Variants in USP6NL observed in about 807,000 individuals in gnomAD.
The protein encoded by USP6NL is USP6 N-terminal-like protein.
In USP6NL, 26 loss-of-function variants were observed where a neutral mutation model predicts 61.9. The observed-to-expected ratio is 0.42, with a 90% CI of 0.31 to 0.58. USP6NL has a LOEUF of 0.58. Ranked by LOEUF, USP6NL falls within the 20% of genes least tolerant of loss-of-function variation. The probability of loss-of-function intolerance (pLI) is 0.16; values close to 1 mark genes in which losing one functional copy is unlikely to be tolerated. For missense variants in USP6NL, 1,114 were observed against 1,034.3 expected (o/e 1.08, Z -1.06); for synonymous variants, 432 against 390.1 (o/e 1.11, Z -1.27).
At chr10:11,551,355 T>C (rs1836482237) in intron 2 of USP6NL, among the ~76,000 whole-genome samples, 1 of 152,222 alleles carries the variant, frequency 6.6e-6, no homozygotes, top group African/African-American at 2.4e-5. Flanking sequence ...CCTCATACTG[T>C]AGAACTTCAT....
At position 11,548,391 on chromosome 10, in the gene USP6NL, T is replaced by A. The variant is rs539658965; in HGVS notation, c.5-20824A>T. Reference sequence around the variant, plus strand: ...AATTTAATGGGTTCTTATTAGCACATACTTAATTAAAATATCTCAGACCTC... The same window carrying A: ...AATTTAATGGGTTCTTATTAGCACAAACTTAATTAAAATATCTCAGACCTC... On this transcript the variant is annotated intron_variant, in intron 2 of 14. Coordinates refer to ENST00000609104, the MANE Select transcript of USP6NL (RefSeq NM_014688.5). This position sits in a 1 kb window ranked among gnomAD's most constrained non-coding sequence, Gnocchi z 4.3. Among the ~76,000 whole-genome samples the A allele has an allele frequency of 1.3e-5, 2 of 152,336 alleles. No homozygotes were observed. Among genetic ancestry groups the A allele is most frequent in the South Asian group, 4.1e-4 (2 of 4,830 alleles).
At position 11,487,848 on chromosome 10, in the gene USP6NL, G is replaced by C. The variant is rs1311141127; in HGVS notation, c.664+1254C>G. ...CACACAATATCCTCACATGGTCAGA[G>C]TGTGAGACTTCACAAACAATGGGCT... On this transcript the variant is annotated intron_variant, in intron 10 of 14. Transcript: ENST00000609104. The surrounding 1 kb of genome is among the most constrained non-coding windows in gnomAD (Gnocchi z 4.2). 1.3e-5 allele frequency among the ~76,000 whole-genome samples: 2 copies of C among 152,160 alleles called. No homozygotes were observed. Among genetic ancestry groups the C allele is most frequent in the Non-Finnish European group, 2.9e-5 (2 of 68,038 alleles).
chr10:11,524,878 T>C (rs1835355233), intron 4 of USP6NL, among the ~76,000 whole-genome samples: 1 of 152,140 alleles, frequency 6.6e-6, no homozygotes, highest in African/African-American at 2.4e-5. Flanking sequence ...TTTAACTGCT[T>C]TACTTTATGT....
At chr10:11,567,020 A>C (rs1366961920) in intron 2 of USP6NL, among the ~76,000 whole-genome samples, 1 of 152,258 alleles carries the variant, frequency 6.6e-6, no homozygotes, top group Middle Eastern at 3.2e-3. Flanking sequence ...AGGCTGAGGC[A>C]GGAAAATCAC....
intron 2 of USP6NL, among the ~76,000 whole-genome samples, chr10:11,556,484 C>A (rs918515122): frequency 6.6e-6 from 1 of 151,992 alleles, no homozygotes; most frequent in African/African-American, 2.4e-5. Context: ...CAAAGGCAAT[C>A]AGATTAAATG....
In USP6NL at chr10:11,525,607, T is replaced by C. The variant is rs1591887396; in HGVS notation, c.73-139A>G. Reference sequence around the variant, plus strand: ...GCTGGAAGTGAGGCATTATGAGCCTTAACATTTTTTTTTCCCCTTTAAACC... The same window carrying C: ...GCTGGAAGTGAGGCATTATGAGCCTCAACATTTTTTTTTCCCCTTTAAACC... On this transcript the variant is annotated intron_variant, in intron 3 of 14. Transcript: ENST00000609104. The surrounding 1 kb of genome is among the most constrained non-coding windows in gnomAD (Gnocchi z 5.0). 4.1e-6 allele frequency: 3 copies of C among 732,532 alleles called. No individual in the cohort carries two copies. The highest frequency in any genetic ancestry group is 6.5e-5 in the East Asian group (2 of 30,718). The allele number at this position is 732,532 out of a possible 1,614,324, so 45.4% of individuals were successfully genotyped here.
At chr10:11,563,597 T>G (rs998752494) in intron 2 of USP6NL, 1 of 152,236 alleles carries the variant, frequency 6.6e-6, no homozygotes, top group African/African-American at 2.4e-5. Context: ...TGTTTTGCAA[T>G]TTCCTATGAA....
At position 11,476,630 on chromosome 10, in the gene USP6NL, A is replaced by G. The variant is rs1832976960; in HGVS notation, c.1078+5140T>C. 1.3e-5 allele frequency among the ~76,000 whole-genome samples: 2 copies of G among 152,192 alleles called. No individual in the cohort carries two copies. Among genetic ancestry groups the G allele is most frequent in the Non-Finnish European group, 2.9e-5 (2 of 68,038 alleles). ...CTCTGTATTTTTGATAGTTTTCATA[A>G]GTAAAATAAAAGATGCCAAACCCAC... is the stretch of plus-strand genomic sequence containing the variant. On this transcript the variant is annotated intron_variant, in intron 14 of 14. Transcript: ENST00000609104. This position sits in a 1 kb window ranked among gnomAD's most constrained non-coding sequence, Gnocchi z 4.3.
In USP6NL at chr10:11,470,780, T is replaced by C. The variant is rs551523884; in HGVS notation, c.1079-6931A>G. Among the ~76,000 whole-genome samples, 15 of 152,368 alleles carry C rather than the reference T, an allele frequency of 9.8e-5. No individual in the cohort carries two copies. Among genetic ancestry groups the C allele is most frequent in the African/African-American group, 3.6e-4 (15 of 41,588 alleles). On this transcript the variant is annotated intron_variant, in intron 14 of 14. Coordinates refer to ENST00000609104, the MANE Select transcript of USP6NL (RefSeq NM_014688.5). This position sits in a 1 kb window ranked among gnomAD's most constrained non-coding sequence, Gnocchi z 5.4. ...TATAGGCAATAAGCATTCCTATTTA[T>C]TATCCACGCTTGCATTCTGGGCTTC... is the stretch of plus-strand genomic sequence containing the variant.
rs1215562824 is a variant in USP6NL, at chr10:11,589,419, T to C, written c.4+8212A>G. On this transcript the variant is annotated intron_variant, in intron 2 of 14. Coordinates refer to ENST00000609104, the MANE Select transcript of USP6NL (RefSeq NM_014688.5). The surrounding 1 kb of genome is among the most constrained non-coding windows in gnomAD (Gnocchi z 4.7). ...CCCCTAATCCAGAACACTTCACACA[T>C]GACCTACATCTACATATCATAGAAA... Among the ~76,000 whole-genome samples, 1 of 152,198 alleles carries C rather than the reference T, an allele frequency of 6.6e-6. No individual in the cohort carries two copies. The highest frequency in any genetic ancestry group is 1.5e-5 in the Non-Finnish European group (1 of 68,030).
At chr10:11,508,248 T>C (rs1834544265) in intron 6 of USP6NL, among the ~76,000 whole-genome samples, 1 of 152,188 alleles carries the variant, frequency 6.6e-6, no homozygotes, top group South Asian at 2.1e-4. Context: ...TGAATGCTTG[T>C]TCTATGTAAG....
intron 4 of USP6NL, among the ~76,000 whole-genome samples, chr10:11,523,229 A>G (rs751106647): frequency 6.6e-6 from 1 of 152,234 alleles, no homozygotes; most frequent in Non-Finnish European, 1.5e-5. Context: ...CACTTATTTC[A>G]TGGCTGTAAT....
In USP6NL at chr10:11,548,905, GA is replaced by G. The variant is rs1836382258; in HGVS notation, c.5-21339del. 6.6e-6 allele frequency among the ~76,000 whole-genome samples: 1 copy of G among 152,036 alleles called. No homozygotes were observed. Among genetic ancestry groups the G allele is most frequent in the Non-Finnish European group, 1.5e-5 (1 of 67,976 alleles). On this transcript the variant is annotated intron_variant, in intron 2 of 14. Coordinates refer to ENST00000609104, the MANE Select transcript of USP6NL (RefSeq NM_014688.5). The surrounding 1 kb of genome is among the most constrained non-coding windows in gnomAD (Gnocchi z 4.3). ...AGTTGTATTAGTGCTATTATACCCA[GA>G]AAAGTCCCTAAAGACCATTATTTCC...
intron 1 of USP6NL, among the ~76,000 whole-genome samples, chr10:11,608,499 T>C (rs1187596705): frequency 6.6e-6 from 1 of 152,184 alleles, no homozygotes; most frequent in Non-Finnish European, 1.5e-5. Flanking sequence ...AACAAGCTCT[T>C]CTCTCACCCT....
rs1314555646 is a variant in USP6NL at position 11,598,910 on chromosome 10, T to C, written c.-83-1193A>G. Among the ~76,000 whole-genome samples the C allele has an allele frequency of 5.9e-5, 9 of 152,254 alleles. No individual in the cohort carries two copies. Among genetic ancestry groups the C allele is most frequent in the Non-Finnish European group, 1.2e-4 (8 of 68,050 alleles). On this transcript the variant is annotated intron_variant, in intron 1 of 14. Coordinates refer to ENST00000609104, the MANE Select transcript of USP6NL (RefSeq NM_014688.5). The surrounding 1 kb of genome is among the most constrained non-coding windows in gnomAD (Gnocchi z 4.7). ...CCCGCACACTGTAATTAGCATGGCA[T>C]AGAATCACAGTGCTGCCACGTAATA... is the stretch of plus-strand genomic sequence containing the variant.
intron 2 of USP6NL, among the ~76,000 whole-genome samples, chr10:11,581,223 A>G (rs1837758670): frequency 6.6e-6 from 1 of 152,258 alleles, no homozygotes; most frequent in African/African-American, 2.4e-5. Flanking sequence ...ACATACAGAG[A>G]TAAGCACTAC....
At chr10:11,555,348 G>A (rs1176146197) in intron 2 of USP6NL, among the ~76,000 whole-genome samples, 5 of 145,028 alleles carry the variant, frequency 3.4e-5, no homozygotes, top group African/African-American at 5.1e-5. Context: ...ACGGGAAGTG[G>A]ACGTTGCAGT....
At chr10:11,503,276 C>T (rs557963467) in intron 6 of USP6NL, among the ~76,000 whole-genome samples, 3 of 152,208 alleles carry the variant, frequency 2.0e-5, no homozygotes, top group African/African-American at 7.2e-5. Flanking sequence ...TAATGAGTAA[C>T]ATAAGCGCTC....
chr10:11,494,584 CG>C (rs2133279456), intron 7 of USP6NL, among the ~76,000 whole-genome samples: 1 of 152,092 alleles, frequency 6.6e-6, no homozygotes, highest in African/African-American at 2.4e-5. Context: ...GTAGTGGCCC[CG>C]AATGTCTGGC....
Sources: gnomAD v4.1 joint callset for allele counts (sites outside exome capture counted in the v4.1 genomes callset) on GRCh38, gnomAD v4.1.1 for gene constraint, Gnocchi (gnomAD v3.1) non-coding constraint, MANE v1.5 for transcripts, NCBI Gene and HGNC (gene_info 2026-07-23, HGNC 2026-07-21) for gene names.